MMP26: variants seen among roughly 807,000 people sequenced by gnomAD.
MMP26 encodes matrix metallopeptidase 26.
Under a neutral mutation model 31.0 loss-of-function variants are expected in MMP26, and 33 were observed. The observed-to-expected ratio is 1.06, with a 90% confidence interval of 0.81 to 1.42. The LOEUF (loss-of-function observed/expected upper bound fraction) is 1.42, where lower values mean the gene tolerates loss of function less well. Ranked by LOEUF, MMP26 falls within the 40% of genes most tolerant of loss-of-function variation. The pLI is 0.00. For missense variants in MMP26, 347 were observed against 316.1 expected (o/e 1.10, Z -0.74); for synonymous variants, 122 against 114.9 (o/e 1.06, Z -0.40).
chr11:4,710,122 A>G, intron 1 of MMP26: 2 of 456,746 alleles, frequency 4.4e-6, no homozygotes, highest in Non-Finnish European at 8.8e-6. Flanking sequence ...TTCCACCCTG[A>G]TGCGATGAAG....
At chr11:4,769,998 T>C in intron 2 of MMP26, 1 of 703,896 alleles carries the variant, frequency 1.4e-6, no homozygotes, top group Non-Finnish European at 2.5e-6. Context: ...GTAAAATATT[T>C]AGATACATTT....
intron 2 of MMP26, chr11:4,794,893 A>G (rs1414601023): frequency 6.6e-6 from 1 of 152,262 alleles, no homozygotes; most frequent in Non-Finnish European, 1.5e-5. Context: ...TCGGCTTGAC[A>G]GCCAAGAACG....
chr11:4,915,676 C>T (rs1444678044), intron 2 of MMP26: 2 of 1,595,892 alleles, frequency 1.3e-6, no homozygotes, highest in African/African-American at 1.3e-5. Flanking sequence ...TGTGAGGAGA[C>T]AAGGGGGAAG....
chr11:4,900,634 A>G (rs1021400292), intron 2 of MMP26, among the ~76,000 whole-genome samples: 1 of 152,126 alleles, frequency 6.6e-6, no homozygotes, highest in Non-Finnish European at 1.5e-5. Flanking sequence ...TGTTCTTTAT[A>G]GCTTAGGTTC....
At chr11:4,820,657 C>T (rs531391332) in intron 2 of MMP26, among the ~76,000 whole-genome samples, 40 of 152,070 alleles carry the variant, frequency 2.6e-4, no homozygotes, top group Middle Eastern at 3.4e-3. Flanking sequence ...CCTCTGTCAT[C>T]GTTGTCTCTC....
At chr11:4,821,680 T>C (rs1434565897) in intron 2 of MMP26, 1 of 1,613,978 alleles carries the variant, frequency 6.2e-7, no homozygotes, top group African/African-American at 1.3e-5. Flanking sequence ...CCTTGGTGTC[T>C]TCTGGTTTGA....
chr11:4,742,413 G>C (rs866659450), intron 1 of MMP26, among the ~76,000 whole-genome samples: 1 of 152,146 alleles, frequency 6.6e-6, no homozygotes, highest in Non-Finnish European at 1.5e-5. Flanking sequence ...TAAGTTCCAA[G>C]TATAGTTGGA....
At chr11:4,972,208 C>G (rs1171738018) in intron 2 of MMP26, among the ~76,000 whole-genome samples, 4 of 152,074 alleles carry the variant, frequency 2.6e-5, no homozygotes, top group Admixed American at 6.6e-5. Context: ...ACTGACCTAG[C>G]ATGACTCTTG....
At chr11:4,906,177 G>T (rs1358270610) in intron 2 of MMP26, among the ~76,000 whole-genome samples, 2 of 152,146 alleles carry the variant, frequency 1.3e-5, no homozygotes, top group East Asian at 3.9e-4. Context: ...ACATGAATAT[G>T]TACGTGAAGA....
intron 2 of MMP26, among the ~76,000 whole-genome samples, chr11:4,906,056 A>C (rs1850883460): frequency 6.6e-6 from 1 of 152,216 alleles, no homozygotes; most frequent in Non-Finnish European, 1.5e-5. Context: ...AAGATGGATA[A>C]GATTAACATG....
intron 2 of MMP26, among the ~76,000 whole-genome samples, chr11:4,925,119 T>G (rs1305088797): frequency 1.3e-5 from 2 of 152,178 alleles, no homozygotes; most frequent in Non-Finnish European, 2.9e-5. Flanking sequence ...TGACACCAGT[T>G]CTATCTTGTA....
chr11:4,796,721 C>T (rs1245905348), intron 2 of MMP26, among the ~76,000 whole-genome samples: 1 of 152,132 alleles, frequency 6.6e-6, no homozygotes, highest in South Asian at 2.1e-4. Context: ...TCTCCAGTCA[C>T]ACACTGAGTA....
At chr11:4,725,393 A>G (rs544943789) in intron 1 of MMP26, among the ~76,000 whole-genome samples, 1 of 152,358 alleles carries the variant, frequency 6.6e-6, no homozygotes, top group Admixed American at 6.5e-5. Flanking sequence ...GCATCTTAAA[A>G]TTGCAAATGT....
chr11:4,845,080 A>G (rs984751907), intron 2 of MMP26, among the ~76,000 whole-genome samples: 1 of 152,164 alleles, frequency 6.6e-6, no homozygotes, highest in Non-Finnish European at 1.5e-5. Context: ...AGCATACAAA[A>G]ATCAGTAGCA....
At chr11:4,907,821 G>A (rs1306011829) in intron 2 of MMP26, 8 of 1,613,652 alleles carry the variant, frequency 5.0e-6, no homozygotes, top group Non-Finnish European at 5.9e-6. Flanking sequence ...TTAGCCATTA[G>A]GAGCATTCTC....
chr11:4,742,554 T>G lies in MMP26; in HGVS notation c.-216-24716T>G, dbSNP rs181106976. Among the ~76,000 whole-genome samples the G allele has an allele frequency of 2.7e-4, 41 of 152,270 alleles. No individual in the cohort carries two copies. The East Asian group carries it at 7.9e-3, about 29-fold the overall frequency. ...CTGGGAAGGTTTTTCCAGAAGAGATTAGCATTTGAATTGGTGGACTGAGTA... is the reference window on the plus strand; with the variant it reads ...CTGGGAAGGTTTTTCCAGAAGAGATGAGCATTTGAATTGGTGGACTGAGTA... On this transcript the variant is annotated intron_variant, in intron 1 of 7. Coordinates refer to ENST00000380390, the MANE Select transcript of MMP26 (RefSeq NM_021801.5).
At chr11:4,814,460 G>A (rs1849394363) in intron 2 of MMP26, among the ~76,000 whole-genome samples, 2 of 152,120 alleles carry the variant, frequency 1.3e-5, no homozygotes, top group Non-Finnish European at 2.9e-5. Flanking sequence ...ATAGTAGTGT[G>A]GAAGTATGAA....
intron 2 of MMP26, among the ~76,000 whole-genome samples, chr11:4,774,078 C>T (rs1010395926): frequency 2.0e-5 from 3 of 152,184 alleles, no homozygotes; most frequent in East Asian, 3.9e-4. Context: ...CTTACTATTG[C>T]GAACAATGCT....
At chr11:4,776,020 C>T (rs1848787167) in intron 2 of MMP26, among the ~76,000 whole-genome samples, 2 of 152,160 alleles carry the variant, frequency 1.3e-5, no homozygotes, top group African/African-American at 2.4e-5. Context: ...CATTGTTTAG[C>T]TCTCATTTAT....
Sources: allele counts gnomAD v4.1 joint callset (sites outside exome capture counted in the v4.1 genomes callset), GRCh38; gene constraint gnomAD v4.1.1; transcripts MANE v1.5; gene names NCBI Gene and HGNC (gene_info 2026-07-23, HGNC 2026-07-21).